The following MIPEP variants were observed in gnomAD, a reference collection of about 807,000 sequenced individuals.
MIPEP encodes the protein mitochondrial intermediate peptidase.
MIPEP carries 79 observed loss-of-function variants against 90.3 expected under a neutral mutation model. The ratio of observed to expected loss-of-function variants is 0.87; its 90% CI spans 0.73 to 1.05. MIPEP has a LOEUF of 1.05. Among genes scored for constraint, MIPEP ranks in the 50% least tolerant of loss-of-function variants. The pLI, the probability that MIPEP is intolerant of heterozygous loss-of-function variation, is 0.00. For missense variants in MIPEP, 940 were observed against 905.6 expected (o/e 1.04, Z -0.49); for synonymous variants, 334 against 315.8 (o/e 1.06, Z -0.61).
At chr13:23,761,282 C>T (rs1952539862) in intron 16 of MIPEP, among the ~76,000 whole-genome samples, 1 of 152,096 alleles carries the variant, frequency 6.6e-6, no homozygotes, top group South Asian at 2.1e-4. Flanking sequence ...GAAGCGGACA[C>T]CTAATTGTTT....
intron 16 of MIPEP, among the ~76,000 whole-genome samples, chr13:23,795,843 G>A (rs1346069271): frequency 9.9e-6 from 1 of 101,172 alleles, no homozygotes; most frequent in African/African-American, 3.2e-5. Context: ...AAAAAAAAAA[G>A]CTGGGAGTGG....
At chr13:23,738,461 T>C (rs1471262274) in intron 18 of MIPEP, among the ~76,000 whole-genome samples, 1 of 151,508 alleles carries the variant, frequency 6.6e-6, no homozygotes, top group Admixed American at 6.6e-5. Flanking sequence ...TTTTTTTTTT[T>C]TTTCTTGAGA....
intron 7 of MIPEP, among the ~76,000 whole-genome samples, chr13:23,866,318 A>G (rs1275789904): frequency 6.6e-6 from 1 of 152,126 alleles, no homozygotes; most frequent in Non-Finnish European, 1.5e-5. Context: ...CAGCTCCTCA[A>G]CTAAGCTTTA....
chr13:23,799,483 C>A (rs757295769), intron 16 of MIPEP, among the ~76,000 whole-genome samples: 3 of 152,022 alleles, frequency 2.0e-5, no homozygotes, highest in African/African-American at 7.3e-5. Context: ...CCCGCCACCA[C>A]GCCTGGCTAA....
intron 1 of MIPEP, chr13:23,888,082 T>C (rs1405405477): frequency 2.4e-6 from 1 of 423,638 alleles, no homozygotes; most frequent in African/African-American, 2.1e-5. Flanking sequence ...GAAAATCTGC[T>C]ATCAGTGCCG....
chr13:23,764,479 A>G (rs1213905846), intron 16 of MIPEP, among the ~76,000 whole-genome samples: 1 of 152,228 alleles, frequency 6.6e-6, no homozygotes, highest in Non-Finnish European at 1.5e-5. Context: ...AACACAGAAC[A>G]GGGGCTAGTG....
At chr13:23,806,573 G>A (rs1953109677) in intron 15 of MIPEP, among the ~76,000 whole-genome samples, 1 of 152,030 alleles carries the variant, frequency 6.6e-6, no homozygotes, top group African/African-American at 2.4e-5. Flanking sequence ...AGCTACTCGG[G>A]AGGCTGAGGC....
intron 14 of MIPEP, among the ~76,000 whole-genome samples, chr13:23,825,348 G>A (rs1342911303): frequency 2.0e-5 from 3 of 152,200 alleles, no homozygotes; most frequent in African/African-American, 7.2e-5. Flanking sequence ...TCTTGAAAGA[G>A]GATGACAGGA....
intron 10 of MIPEP, among the ~76,000 whole-genome samples, chr13:23,850,893 C>T (rs752854733): frequency 2.0e-5 from 3 of 152,178 alleles, no homozygotes; most frequent in African/African-American, 4.8e-5. Flanking sequence ...GTGGAAATGT[C>T]GTGAGAGAGG....
At chr13:23,741,410 T>C (rs1952327404) in intron 18 of MIPEP, among the ~76,000 whole-genome samples, 2 of 152,050 alleles carry the variant, frequency 1.3e-5, no homozygotes, top group African/African-American at 4.8e-5. Context: ...AGCAAAGACA[T>C]GGAATCAACC....
intron 14 of MIPEP, among the ~76,000 whole-genome samples, chr13:23,823,701 C>T (rs1433251369): frequency 1.3e-5 from 2 of 152,246 alleles, no homozygotes; most frequent in East Asian, 3.9e-4. Context: ...TGATAACAGG[C>T]CCTGTAGTCC....
Position 23,730,333 on chromosome 13 carries a change from T to C in MIPEP, c.*15A>G, listed in dbSNP as rs1404051417. On this transcript the variant is annotated 3_prime_UTR_variant, in exon 19 of 19. Coordinates refer to ENST00000382172, the MANE Select transcript of MIPEP (RefSeq NM_005932.4). ...ATCTACATGACCTTGATTTAAGAGG[T>C]GTAGAGTGTTTCTTTTATTCAGAAT... 2.6e-6 allele frequency: 4 copies of C among 1,536,292 alleles called. No individual in the cohort carries two copies. In the South Asian group the frequency reaches 3.4e-5, roughly 13 times the overall value.
chr13:23,738,881 G>A (rs796280667), intron 18 of MIPEP, among the ~76,000 whole-genome samples: 13 of 152,160 alleles, frequency 8.5e-5, no homozygotes, highest in African/African-American at 3.1e-4. Context: ...ATCAGAACCT[G>A]GGGATAGGCC....
At chr13:23,848,512 C>A (rs1051704129) in intron 10 of MIPEP, among the ~76,000 whole-genome samples, 1 of 152,142 alleles carries the variant, frequency 6.6e-6, no homozygotes, top group African/African-American at 2.4e-5. Flanking sequence ...TCCAAATGAT[C>A]AGGGGCAGAG....
rs765632693 is a variant in MIPEP at position 23,836,208 on chromosome 13, A to G, written c.1653+32T>C. On this transcript the variant is annotated intron_variant, in intron 14 of 18. Coordinates refer to ENST00000382172, the MANE Select transcript of MIPEP (RefSeq NM_005932.4). Reference sequence around the variant, plus strand: ...TCATAAACGCCAACTATCACAACCCAAAGGACAAGACGACAATATTACTGT... The same window carrying G: ...TCATAAACGCCAACTATCACAACCCGAAGGACAAGACGACAATATTACTGT... The G allele has an allele frequency of 1.9e-5, 27 of 1,418,814 alleles. 1 individual carries two copies. In the East Asian group the frequency reaches 6.1e-4, roughly 32 times the overall value. The allele number at this position is 1,418,814 out of a possible 1,614,324, so 87.9% of individuals were successfully genotyped here. A position where few individuals can be genotyped will look rare whatever the true frequency, so the allele number is the denominator to read the frequency against.
At chr13:23,739,462 AG>A (rs1952302460) in intron 18 of MIPEP, among the ~76,000 whole-genome samples, 1 of 152,252 alleles carries the variant, frequency 6.6e-6, no homozygotes, top group African/African-American at 2.4e-5. Context: ...CACACACCTA[AG>A]AAGCTTCTTT....
chr13:23,868,513 C>A (rs979508631), intron 7 of MIPEP, among the ~76,000 whole-genome samples: 2 of 152,064 alleles, frequency 1.3e-5, no homozygotes, highest in African/African-American at 2.4e-5. Flanking sequence ...TCCCCTCTGT[C>A]GGTGAGTGGA....
rs569976869 is a variant in MIPEP, at chr13:23,877,948, AT to A, written c.539+1319del. Among the ~76,000 whole-genome samples the A allele has an allele frequency of 2.2e-4, 34 of 152,250 alleles. 1 individual carries two copies. The highest frequency in any genetic ancestry group is 5.2e-4 in the Admixed American group (8 of 15,288). On this transcript the variant is annotated intron_variant, in intron 4 of 18. Transcript: ENST00000382172. ...GTTTATTTTCCCCAATATATTTATC[AT>A]TTTATTATTTAAAAATCCCTATTGG...
chr13:23,796,693 G>C (rs1733249194), intron 16 of MIPEP, among the ~76,000 whole-genome samples: 2 of 152,042 alleles, frequency 1.3e-5, no homozygotes, highest in South Asian at 4.2e-4. Flanking sequence ...CTTTCCACAT[G>C]GTTAAGAGGC....
Sources: allele counts gnomAD v4.1 joint callset (sites outside exome capture counted in the v4.1 genomes callset), GRCh38; gene constraint gnomAD v4.1.1; transcripts MANE v1.5; gene names NCBI Gene and HGNC (gene_info 2026-07-23, HGNC 2026-07-21).